Variants in DLG2 observed in about 807,000 individuals in gnomAD.
DLG2 encodes disks large homolog 2.
In DLG2, 45 loss-of-function variants were observed where a neutral mutation model predicts 132.5. The observed-to-expected ratio is 0.34, with a 90% CI of 0.27 to 0.44. The LOEUF (loss-of-function observed/expected upper bound fraction) is 0.44. Ranked by LOEUF, DLG2 falls within the 20% of genes least tolerant of loss-of-function variation. The pLI is 1.00. For synonymous variants in DLG2, 424 were observed against 419.6 expected, an observed-to-expected ratio of 1.01 and a Z score of -0.13; for missense variants, 1,045 against 1,196.9, an observed-to-expected ratio of 0.87 and a Z score of 1.87.
At chr11:85,436,981 T>C (rs990504605) in intron 3 of DLG2, among the ~76,000 whole-genome samples, 1 of 152,106 alleles carries the variant, frequency 6.6e-6, no homozygotes, top group Non-Finnish European at 1.5e-5. Context: ...TAAAAAGGAA[T>C]GAGATCATGT....
intron 19 of DLG2, among the ~76,000 whole-genome samples, chr11:83,584,343 T>G (rs1172950476): frequency 6.6e-6 from 1 of 152,178 alleles, no homozygotes; most frequent in East Asian, 1.9e-4. Flanking sequence ...TGTAAAGGAG[T>G]TGATAGCCCA....
intron 17 of DLG2, among the ~76,000 whole-genome samples, chr11:83,792,453 T>C (rs1594468648): frequency 6.6e-6 from 1 of 152,136 alleles, no homozygotes; most frequent in Admixed American, 6.5e-5. Context: ...TGAAAAGACA[T>C]ACAATTAAAA....
intron 6 of DLG2, among the ~76,000 whole-genome samples, chr11:84,599,643 A>T (rs2099571138): frequency 6.6e-6 from 1 of 152,162 alleles, no homozygotes; most frequent in South Asian, 2.1e-4. Context: ...AGCTTTTACC[A>T]GAGCTGTGTT....
At chr11:83,963,546 C>T (rs1050075134) in intron 13 of DLG2, among the ~76,000 whole-genome samples, 3 of 151,830 alleles carry the variant, frequency 2.0e-5, no homozygotes, top group Non-Finnish European at 4.4e-5. Flanking sequence ...ACTAAAAACA[C>T]CTCCTAACTG....
intron 6 of DLG2, among the ~76,000 whole-genome samples, chr11:84,883,601 T>A (rs1207821129): frequency 6.6e-6 from 1 of 152,124 alleles, no homozygotes; most frequent in Non-Finnish European, 1.5e-5. Context: ...ACTGACAATA[T>A]CCCTTCACCT....
intron 18 of DLG2, among the ~76,000 whole-genome samples, chr11:83,674,288 GA>G (rs1380223876): frequency 6.6e-6 from 1 of 152,204 alleles, no homozygotes; most frequent in Non-Finnish European, 1.5e-5. Context: ...AATATTTTAA[GA>G]AGCAGAAGCA....
intron 6 of DLG2, among the ~76,000 whole-genome samples, chr11:85,089,381 G>C (rs1488035004): frequency 6.6e-6 from 1 of 151,914 alleles, no homozygotes; most frequent in Non-Finnish European, 1.5e-5. Flanking sequence ...GGGAACATGG[G>C]GTATTTGGTT....
At chr11:85,488,986 C>T (rs1219250226) in intron 3 of DLG2, among the ~76,000 whole-genome samples, 1 of 151,952 alleles carries the variant, frequency 6.6e-6, no homozygotes, top group Non-Finnish European at 1.5e-5. Flanking sequence ...TAGAATTCTA[C>T]CAAACCACAA....
chr11:83,479,719 T>A (rs2092944165), intron 22 of DLG2, among the ~76,000 whole-genome samples: 6 of 152,066 alleles, frequency 3.9e-5, no homozygotes, highest in Admixed American at 3.9e-4. Flanking sequence ...TTTTAAATAG[T>A]TACCTACCTT....
At chr11:84,412,921 A>G (rs1370477496) in intron 7 of DLG2, among the ~76,000 whole-genome samples, 12 of 152,196 alleles carry the variant, frequency 7.9e-5, no homozygotes, top group African/African-American at 2.9e-4. Flanking sequence ...ATTATCTGAA[A>G]ACCCAATGGA....
At chr11:83,837,649 G>C (rs950094238) in intron 16 of DLG2, among the ~76,000 whole-genome samples, 1 of 141,618 alleles carries the variant, frequency 7.1e-6, no homozygotes. Context: ...TTTTACTTGG[G>C]GCTGTTTTTG....
intron 3 of DLG2, among the ~76,000 whole-genome samples, chr11:85,459,555 T>A (rs994517043): frequency 6.6e-6 from 1 of 152,066 alleles, no homozygotes; most frequent in African/African-American, 2.4e-5. Flanking sequence ...TGTGGATGGG[T>A]GGCTATTATG....
chr11:83,590,393 G>A lies in DLG2; in HGVS notation c.1940+42818C>T, dbSNP rs1316115801. On this transcript the variant is annotated intron_variant, in intron 19 of 27. Transcript: ENST00000376104. ...AACAACCTGCTCCTGAATGACTACT[G>A]GATACATAACGAAATGAAGGCAGAA... Among the ~76,000 whole-genome samples the A allele has an allele frequency of 3.3e-5, 5 of 152,050 alleles. No homozygotes were observed. In the East Asian group the frequency reaches 9.6e-4, roughly 29 times the overall value.
intron 7 of DLG2, among the ~76,000 whole-genome samples, chr11:84,408,866 T>C (rs1423395437): frequency 1.3e-5 from 2 of 152,178 alleles, no homozygotes; most frequent in African/African-American, 4.8e-5. Flanking sequence ...GGGCCGCCTC[T>C]TTCTCTGTAG....
chr11:85,495,162 T>C (rs974054630), intron 3 of DLG2, among the ~76,000 whole-genome samples: 4 of 152,188 alleles, frequency 2.6e-5, no homozygotes, highest in African/African-American at 9.6e-5. Flanking sequence ...ATCCACTACA[T>C]TGGCAAAAGT....
intron 15 of DLG2, among the ~76,000 whole-genome samples, chr11:83,902,988 A>G (rs1037147424): frequency 5.9e-5 from 9 of 152,140 alleles, no homozygotes; most frequent in Non-Finnish European, 1.2e-4. Flanking sequence ...TTGTTCTATG[A>G]TCATAGCACC....
intron 6 of DLG2, among the ~76,000 whole-genome samples, chr11:84,920,723 G>GTC (rs386374371): frequency 7.9e-5 from 12 of 151,854 alleles, no homozygotes; most frequent in African/African-American, 2.9e-4. Flanking sequence ...ATGTGTGTGT[G>GTC]TGTGTCTATA....
chr11:85,090,296 A>T (rs1245180614), intron 6 of DLG2, among the ~76,000 whole-genome samples: 2 of 152,230 alleles, frequency 1.3e-5, no homozygotes, highest in Non-Finnish European at 2.9e-5. Context: ...TACTCTCTGA[A>T]GGAACTCTAG....
chr11:84,067,373 C>G (rs1187289817), intron 10 of DLG2, among the ~76,000 whole-genome samples: 1 of 151,930 alleles, frequency 6.6e-6, no homozygotes, highest in African/African-American at 2.4e-5. Flanking sequence ...AGAATCTGTT[C>G]AAAAGGAATA....
Sources: allele counts gnomAD v4.1 joint callset (sites outside exome capture counted in the v4.1 genomes callset), GRCh38; gene constraint gnomAD v4.1.1; transcripts MANE v1.5; gene names NCBI Gene and HGNC (gene_info 2026-07-23, HGNC 2026-07-21).